The following DOK6 variants were observed in gnomAD, a reference collection of about 807,000 sequenced individuals.
DOK6 encodes docking protein 6, also known as downstream of tyrosine kinase 6.
DOK6 carries 22 observed loss-of-function variants against 44.0 expected under a neutral mutation model. That is an observed-to-expected ratio of 0.50 (90% CI 0.36 to 0.71). The LOEUF (loss-of-function observed/expected upper bound fraction) is 0.71. Among genes scored for constraint, DOK6 ranks in the 30% least tolerant of loss-of-function variants. DOK6 has a pLI of 0.00. For synonymous variants in DOK6, 166 were observed against 145.5 expected (o/e 1.14, Z -1.01); for missense variants, 340 against 416.4 (o/e 0.82, Z 1.60).
chr18:69,446,156 A>G (rs978520932), intron 1 of DOK6, among the ~76,000 whole-genome samples: 5 of 151,658 alleles, frequency 3.3e-5, no homozygotes. Context: ...TGCTGCACTC[A>G]TTAACTTGTC....
At chr18:69,402,769 C>T (rs1177626053) in intron 1 of DOK6, among the ~76,000 whole-genome samples, 4 of 152,224 alleles carry the variant, frequency 2.6e-5, no homozygotes, top group Non-Finnish European at 5.9e-5. Context: ...GCCGTGAGCC[C>T]CACCAAGGCG....
At chr18:69,459,013 T>C (rs1018103872) in intron 1 of DOK6, among the ~76,000 whole-genome samples, 4 of 151,310 alleles carry the variant, frequency 2.6e-5, no homozygotes, top group Admixed American at 6.7e-5. Flanking sequence ...GGAGAATTGC[T>C]TGAACCTGGC....
intron 1 of DOK6, among the ~76,000 whole-genome samples, chr18:69,523,376 G>A (rs1249193236): frequency 1.3e-5 from 2 of 152,002 alleles, no homozygotes; most frequent in Non-Finnish European, 2.9e-5. Context: ...TAAGTTTTAT[G>A]TTCCACAAGT....
chr18:69,843,700 G>A lies in DOK6; in HGVS notation c.*2317G>A, dbSNP rs994715434. 4 of 152,218 alleles carry A rather than the reference G, an allele frequency of 2.6e-5. No homozygotes were observed. The highest frequency in any genetic ancestry group is 6.5e-5 in the Admixed American group (1 of 15,280). 9.4% of individuals were successfully genotyped at this position (152,218 alleles called of 1,614,324 possible). ...CTGATCATTACCAATGAATATAACTGAAGGAGCACCAAAGATCAGGCATAA... is the reference window on the plus strand; with the variant it reads ...CTGATCATTACCAATGAATATAACTAAAGGAGCACCAAAGATCAGGCATAA... On this transcript the variant is annotated 3_prime_UTR_variant, in exon 8 of 8. Transcript: ENST00000382713.
chr18:69,815,919 A>G (rs1026085063), intron 7 of DOK6, among the ~76,000 whole-genome samples: 6 of 152,250 alleles, frequency 3.9e-5, no homozygotes, highest in Non-Finnish European at 7.4e-5. Flanking sequence ...CCTGCCAGTT[A>G]TATGCTTATC....
At chr18:69,658,338 C>A (rs567952471) in intron 3 of DOK6, among the ~76,000 whole-genome samples, 1 of 152,252 alleles carries the variant, frequency 6.6e-6, no homozygotes, top group Non-Finnish European at 1.5e-5. Flanking sequence ...GTCTTGGTGA[C>A]ATCATCTGCA....
At chr18:69,652,103 T>C (rs1985245242) in intron 3 of DOK6, among the ~76,000 whole-genome samples, 1 of 152,182 alleles carries the variant, frequency 6.6e-6, no homozygotes, top group African/African-American at 2.4e-5. Flanking sequence ...ACACAGCTTG[T>C]GGAAAAATAA....
intron 1 of DOK6, 57 bp downstream of exon 1, chr18:69,401,367 C>A: frequency 7.2e-7 from 1 of 1,390,296 alleles, no homozygotes; most frequent in Non-Finnish European, 9.4e-7. Flanking sequence ...CGGCTGGCTG[C>A]CTGGGGGGGG....
rs565842551 is a variant in DOK6, at chr18:69,633,367, A to C, written c.289+33869A>C. ...TCATTAGTGACAGAGCAAGAATTCA[A>C]ATGTCAAAACGCCTATGCAAAGTCT... On this transcript the variant is annotated intron_variant, in intron 3 of 7. Coordinates refer to ENST00000382713, the MANE Select transcript of DOK6 (RefSeq NM_152721.6). 3.3e-5 allele frequency among the ~76,000 whole-genome samples: 5 copies of C among 152,304 alleles called. 1 individual carries two copies. The South Asian group carries it at 1.0e-3, about 32-fold the overall frequency.
chr18:69,775,783 G>A (rs1215960405), intron 7 of DOK6, among the ~76,000 whole-genome samples: 11 of 151,860 alleles, frequency 7.2e-5, no homozygotes, highest in East Asian at 3.8e-4. Flanking sequence ...AACTTTGTGC[G>A]TTTCTAACAG....
At chr18:69,712,943 A>C (rs536178514) in intron 5 of DOK6, among the ~76,000 whole-genome samples, 2 of 152,334 alleles carry the variant, frequency 1.3e-5, no homozygotes, top group African/African-American at 4.8e-5. Context: ...ATTTGATTAC[A>C]TAGGTGGAAA....
chr18:69,789,856 T>G (rs1980540364), intron 7 of DOK6, among the ~76,000 whole-genome samples: 1 of 152,196 alleles, frequency 6.6e-6, no homozygotes, highest in South Asian at 2.1e-4. Context: ...GCAAGTTTTC[T>G]GCCACTAAGC....
intron 5 of DOK6, among the ~76,000 whole-genome samples, chr18:69,727,137 G>A (rs1978313241): frequency 6.6e-6 from 1 of 152,088 alleles, no homozygotes; most frequent in Non-Finnish European, 1.5e-5. Context: ...TGGTTAACAG[G>A]CATGAGCCAC....
chr18:69,517,758 T>C (rs1000938402), intron 1 of DOK6, among the ~76,000 whole-genome samples: 5 of 152,086 alleles, frequency 3.3e-5, no homozygotes, highest in Admixed American at 6.6e-5. Context: ...CCCATAACCT[T>C]TTCTTAGAGA....
chr18:69,580,433 C>T (rs1260500803), intron 2 of DOK6, among the ~76,000 whole-genome samples: 2 of 152,178 alleles, frequency 1.3e-5, no homozygotes, highest in East Asian at 1.9e-4. Flanking sequence ...GTTTCAGTGA[C>T]CAACTGGAGA....
At chr18:69,439,019 C>G (rs1374553876) in intron 1 of DOK6, among the ~76,000 whole-genome samples, 1 of 152,094 alleles carries the variant, frequency 6.6e-6, no homozygotes, top group African/African-American at 2.4e-5. Context: ...CTGCATTGAG[C>G]TATGATCATA....
rs754884071 is a variant in DOK6 at position 69,760,133 on chromosome 18, G to A, written c.856+2260G>A. 1.1e-4 allele frequency among the ~76,000 whole-genome samples: 16 copies of A among 152,248 alleles called. 1 individual carries two copies. In the South Asian group the frequency reaches 3.3e-3, roughly 32 times the overall value. On this transcript the variant is annotated intron_variant, in intron 7 of 7. Coordinates refer to ENST00000382713, the MANE Select transcript of DOK6 (RefSeq NM_152721.6). The stretch of plus-strand genomic sequence containing the variant: ...TTAGTTATACTTTGATAATGGTCAC[G>A]TATTTTATTCTTCCTTCGTTCGGTT...
intron 1 of DOK6, among the ~76,000 whole-genome samples, 155 bp downstream of exon 1, chr18:69,401,465 G>A (rs1916098322): frequency 6.6e-6 from 1 of 151,908 alleles, no homozygotes; most frequent in South Asian, 2.1e-4. Flanking sequence ...GCCAGGTGGG[G>A]GCCCACACCT....
intron 5 of DOK6, among the ~76,000 whole-genome samples, chr18:69,716,080 C>G (rs1190621443): frequency 6.6e-6 from 1 of 152,080 alleles, no homozygotes; most frequent in Non-Finnish European, 1.5e-5. Flanking sequence ...CAGCTGCGTC[C>G]CAGATCTATT....
Sources: gnomAD v4.1 joint callset for allele counts (sites outside exome capture counted in the v4.1 genomes callset) on GRCh38, gnomAD v4.1.1 for gene constraint, MANE v1.5 for transcripts, NCBI Gene and HGNC (gene_info 2026-07-23, HGNC 2026-07-21) for gene names.